The following GLIS1 variants were observed in gnomAD, a reference collection of about 807,000 sequenced individuals.
The protein encoded by GLIS1 is zinc finger protein GLIS1.
Under a neutral mutation model 63.8 loss-of-function variants are expected in GLIS1, and 24 were observed. The ratio of observed to expected loss-of-function variants is 0.38; its 90% CI spans 0.27 to 0.53. The LOEUF (loss-of-function observed/expected upper bound fraction) is 0.53. Ranked by LOEUF, GLIS1 falls within the 20% of genes least tolerant of loss-of-function variation. The probability of loss-of-function intolerance (pLI) is 0.85; values close to 1 mark genes in which losing one functional copy is unlikely to be tolerated. For synonymous variants in GLIS1, 450 were observed against 482.5 expected, an observed-to-expected ratio of 0.93 and a Z score of 0.88; for missense variants, 1,036 against 1,074.1, an observed-to-expected ratio of 0.96 and a Z score of 0.50.
intron 2 of GLIS1, among the ~76,000 whole-genome samples, chr1:53,637,273 C>A (rs191831762): frequency 1.0e-3 from 155 of 152,268 alleles, no homozygotes; most frequent in Non-Finnish European, 1.7e-3. Context: ...GAAGAGGCTC[C>A]CAGGAGGAAG....
At chr1:53,578,342 TC>T (rs1480865442) in intron 4 of GLIS1, among the ~76,000 whole-genome samples, 1 of 152,228 alleles carries the variant, frequency 6.6e-6, no homozygotes, top group Non-Finnish European at 1.5e-5. Context: ...AGGACCTAGG[TC>T]CTTCACTACC....
At chr1:53,675,670 C>G (rs1646203647) in intron 2 of GLIS1, among the ~76,000 whole-genome samples, 1 of 152,262 alleles carries the variant, frequency 6.6e-6, no homozygotes, top group African/African-American at 2.4e-5. Flanking sequence ...GACTTCTCCT[C>G]ATGGCTCTGA....
rs1644281735 is a variant in GLIS1 at position 53,509,941 on chromosome 1, G to A, written c.1970C>T (p.Ser657Phe). Residue 657 changes from serine (S) to phenylalanine (F), a missense_variant, in exon 9 of 11, where the codon TCT becomes TTT. By Grantham distance (155) the Ser-to-Phe change is radical. This residue lies in a region of GLIS1 where 400 missense variants were observed against 400.9 expected (regional missense o/e 1.00). Coordinates refer to ENST00000628545, the MANE Select transcript of GLIS1 (RefSeq NM_001367484.1). ...TGTGGGGAAGGGCTGGCCCCCCGGAGAATGGCTCTGAGAGGATGGGGGCAG... is the reference window on the plus strand; with the variant it reads ...TGTGGGGAAGGGCTGGCCCCCCGGAAAATGGCTCTGAGAGGATGGGGGCAG... ...PPLPPSSQSH[S>F]PGGQPFPTLP... 3.1e-6 allele frequency: 4 copies of A among 1,303,902 alleles called. No homozygotes were observed. In the East Asian group the frequency reaches 1.1e-4, roughly 37 times the overall value. The allele number at this position is 1,303,902 out of a possible 1,614,324, so 80.8% of individuals were successfully genotyped here.
chr1:53,514,922 G>A, intron 7 of GLIS1, 141 bp from the exon 8 acceptor site: 1 of 1,089,218 alleles, frequency 9.2e-7, no homozygotes, highest in Admixed American at 3.2e-5. Flanking sequence ...TGGAAGTTTA[G>A]GGGCCCCAGT....
At chr1:53,542,262 A>T (rs1382282905) in intron 4 of GLIS1, among the ~76,000 whole-genome samples, 1 of 152,232 alleles carries the variant, frequency 6.6e-6, no homozygotes, top group African/African-American at 2.4e-5. Flanking sequence ...GGGGAAGGAG[A>T]TGACTTAGCA....
At chr1:53,586,158 C>T (rs966135163) in intron 4 of GLIS1, among the ~76,000 whole-genome samples, 3 of 152,208 alleles carry the variant, frequency 2.0e-5, no homozygotes, top group Non-Finnish European at 4.4e-5. Flanking sequence ...GGAAGCCTCT[C>T]CTTGTTAAGC....
chr1:53,613,104 C>A (rs1432815928), intron 2 of GLIS1, among the ~76,000 whole-genome samples: 2 of 152,178 alleles, frequency 1.3e-5, no homozygotes, highest in Non-Finnish European at 2.9e-5. Flanking sequence ...CAGGCGTGAG[C>A]CCAGCCAGTT....
intron 4 of GLIS1, among the ~76,000 whole-genome samples, chr1:53,587,187 G>A (rs1480309709): frequency 6.6e-6 from 1 of 152,180 alleles, no homozygotes; most frequent in African/African-American, 2.4e-5. Context: ...AAGCTTCAGG[G>A]CAGGAAGAAA....
At position 53,594,741 on chromosome 1, in the gene GLIS1, C is replaced by T. The variant is rs773147449; in HGVS notation, c.687G>A (p.Glu229=). 1 of 1,578,334 alleles carries T rather than the reference C, an allele frequency of 6.3e-7. No individual in the cohort carries two copies. Among genetic ancestry groups the T allele is most frequent in the Admixed American group, 1.8e-5 (1 of 56,006 alleles). Residue 229 remains glutamate (E), a synonymous_variant, in exon 4 of 11, where the codon GAG becomes GAA. Coordinates refer to ENST00000628545, the MANE Select transcript of GLIS1 (RefSeq NM_001367484.1). ...EPSSGLGLQP[E]THLPEGSLKR... ...TCAGGCTGCCCTCGGGGAGGTGGGT[C>T]TCGGGCTGGAGGCCCAGGCCAGAGC...
At chr1:53,523,270 C>T (rs527351750) in intron 6 of GLIS1, among the ~76,000 whole-genome samples, 8 of 152,090 alleles carry the variant, frequency 5.3e-5, no homozygotes, top group Non-Finnish European at 1.2e-4. Context: ...TCCCTCTCTG[C>T]TCCACAGCTT....
rs186613176 is a variant in GLIS1 at position 53,564,131 on chromosome 1, T to G, written c.1320+29977A>C. Among the ~76,000 whole-genome samples the G allele has an allele frequency of 5.9e-5, 9 of 152,318 alleles. No individual in the cohort carries two copies. The East Asian group carries it at 1.7e-3, about 29-fold the overall frequency. Reference sequence around the variant, plus strand: ...AAACGCACACTGTTTTATAAAATGGTAATGCCCTCTAATGCACGGGGTTGA... The same window carrying G: ...AAACGCACACTGTTTTATAAAATGGGAATGCCCTCTAATGCACGGGGTTGA... On this transcript the variant is annotated intron_variant, in intron 4 of 10. Coordinates refer to ENST00000628545, the MANE Select transcript of GLIS1 (RefSeq NM_001367484.1).
intron 2 of GLIS1, among the ~76,000 whole-genome samples, chr1:53,624,229 T>C (rs1047818263): frequency 6.6e-6 from 1 of 152,212 alleles, no homozygotes; most frequent in African/African-American, 2.4e-5. Context: ...AAGTCTACAA[T>C]TAAATCCACA....
At chr1:53,687,781 G>T (rs1646355628) in intron 2 of GLIS1, among the ~76,000 whole-genome samples, 1 of 152,150 alleles carries the variant, frequency 6.6e-6, no homozygotes, top group African/African-American at 2.4e-5. Context: ...GGTATCACAG[G>T]GTGTTCTCTG....
At position 53,594,714 on chromosome 1, in the gene GLIS1, C is replaced by A; in HGVS notation, c.714G>T (p.Lys238Asn). 1 of 1,563,786 alleles carries A rather than the reference C, an allele frequency of 6.4e-7. No homozygotes were observed. The highest frequency in any genetic ancestry group is 1.2e-5 in the South Asian group (1 of 82,212). Reference protein sequence around the residue: ...PETHLPEGSLKRCCVLGLPPT... With the variant: ...PETHLPEGSLNRCCVLGLPPT... ...GGGGTAGGCCCAAGACGCAGCACCG[C>A]TTCAGGCTGCCCTCGGGGAGGTGGG... is the stretch of plus-strand genomic sequence containing the variant. Residue 238 changes from lysine to asparagine, a missense_variant, in exon 4 of 11, where the codon AAG becomes AAT. Lys to Asn is a moderately conservative substitution (Grantham distance 94). Coordinates refer to ENST00000628545, the MANE Select transcript of GLIS1 (RefSeq NM_001367484.1).
At chr1:53,660,122 T>C (rs1007945993) in intron 2 of GLIS1, among the ~76,000 whole-genome samples, 1 of 152,170 alleles carries the variant, frequency 6.6e-6, no homozygotes, top group Non-Finnish European at 1.5e-5. Context: ...GGGAGCCACC[T>C]TGTTGGCAGC....
chr1:53,527,306 G>A (rs1307409726), intron 5 of GLIS1, among the ~76,000 whole-genome samples: 2 of 152,220 alleles, frequency 1.3e-5, no homozygotes, highest in Non-Finnish European at 2.9e-5. Context: ...AGTCCGCTCA[G>A]GGGATCTGTG....
intron 2 of GLIS1, among the ~76,000 whole-genome samples, chr1:53,689,785 G>C (rs1056048170): frequency 2.6e-5 from 4 of 152,188 alleles, no homozygotes; most frequent in African/African-American, 9.7e-5. Flanking sequence ...GCCCCTCTGA[G>C]AGGCATCTCA....
Position 53,586,746 on chromosome 1 carries a change from C to T in GLIS1, c.1320+7362G>A, listed in dbSNP as rs116652139. Among the ~76,000 whole-genome samples, 997 of 152,310 alleles carry T rather than the reference C, an allele frequency of 6.5e-3. 2 individuals carry two copies. Among genetic ancestry groups the T allele is most frequent in the Middle Eastern group, 0.024 (7 of 294 alleles). On this transcript the variant is annotated intron_variant, in intron 4 of 10. Coordinates refer to ENST00000628545, the MANE Select transcript of GLIS1 (RefSeq NM_001367484.1). ...TTCAAGCACCAGATTAGGGGGTAGA[C>T]GTGACAGTCTTTAAAGTCCCACCAA...
At chr1:53,533,149 C>T (rs1644548139) in intron 4 of GLIS1, among the ~76,000 whole-genome samples, 1 of 152,246 alleles carries the variant, frequency 6.6e-6, no homozygotes, top group Non-Finnish European at 1.5e-5. Context: ...CAAACATCTA[C>T]TCCTGTTGCT....
Sources: allele counts gnomAD v4.1 joint callset (sites outside exome capture counted in the v4.1 genomes callset), GRCh38; gene constraint gnomAD v4.1.1; regional missense constraint gnomAD v4.1.1; transcripts MANE v1.5; gene names NCBI Gene and HGNC (gene_info 2026-07-23, HGNC 2026-07-21).